The following CTNNA2 variants were observed in gnomAD, a reference collection of about 807,000 sequenced individuals.
CTNNA2 encodes the protein catenin alpha 2, also known as catenin alpha-2.
In CTNNA2, 42 loss-of-function variants were observed where a neutral mutation model predicts 101.0. The observed-to-expected ratio is 0.42, with a 90% CI of 0.32 to 0.54. The LOEUF (loss-of-function observed/expected upper bound fraction) is 0.54. Ranked by LOEUF, CTNNA2 falls within the 20% of genes least tolerant of loss-of-function variation. CTNNA2 has a pLI of 0.14. For synonymous variants in CTNNA2, 450 were observed against 456.4 expected (o/e 0.99, Z 0.18); for missense variants, 871 against 1,223.1 (o/e 0.71, Z 4.29).
intron 7 of CTNNA2, among the ~76,000 whole-genome samples, chr2:80,239,264 C>A (rs1195932621): frequency 6.6e-6 from 1 of 152,094 alleles, no homozygotes; most frequent in Non-Finnish European, 1.5e-5. Flanking sequence ...CTGAAAATAG[C>A]TTTTGGCCTA....
intron 4 of CTNNA2, among the ~76,000 whole-genome samples, chr2:79,410,231 A>G (rs1381717453): frequency 6.9e-6 from 1 of 145,422 alleles, no homozygotes; most frequent in Non-Finnish European, 1.5e-5. Context: ...TAGATATACA[A>G]TCATGTCATC....
At chr2:80,492,772 C>T (rs981656739) in intron 9 of CTNNA2, among the ~76,000 whole-genome samples, 2 of 152,184 alleles carry the variant, frequency 1.3e-5, no homozygotes, top group African/African-American at 4.8e-5. Flanking sequence ...ATGCTTTGCC[C>T]TACCAGCCTT....
At chr2:80,604,248 A>G in intron 16 of CTNNA2, 69 bp downstream of exon 16, 1 of 1,159,348 alleles carries the variant, frequency 8.6e-7, no homozygotes, top group South Asian at 1.2e-5. Flanking sequence ...TTTTGTAACT[A>G]GTTTTATGCA....
intron 8 of CTNNA2, among the ~76,000 whole-genome samples, chr2:80,413,850 AC>A (rs1237358685): frequency 6.6e-6 from 1 of 152,206 alleles, no homozygotes; most frequent in African/African-American, 2.4e-5. Flanking sequence ...ATTTGAAATC[AC>A]CCTCTAACCC....
intron 3 of CTNNA2, among the ~76,000 whole-genome samples, chr2:79,814,608 TACACACACAC>T (rs146240455): frequency 2.1e-5 from 3 of 145,196 alleles, no homozygotes; most frequent in South Asian, 2.2e-4. Flanking sequence ...TATGTGTGTA[TACACACACAC>T]ACACACACAC....
At chr2:79,838,903 AC>A (rs1361168636) in intron 3 of CTNNA2, among the ~76,000 whole-genome samples, 1 of 152,112 alleles carries the variant, frequency 6.6e-6, no homozygotes, top group Non-Finnish European at 1.5e-5. Context: ...ATTAGAAAAT[AC>A]TACTACAACT....
At chr2:79,601,731 T>C (rs957690258) in intron 1 of CTNNA2, among the ~76,000 whole-genome samples, 2 of 152,222 alleles carry the variant, frequency 1.3e-5, no homozygotes, top group African/African-American at 4.8e-5. Flanking sequence ...CACAGAAGAC[T>C]TCCATAGGAG....
intron 3 of CTNNA2, among the ~76,000 whole-genome samples, chr2:79,342,073 C>T (rs774928473): frequency 3.9e-5 from 6 of 152,160 alleles, no homozygotes; most frequent in Admixed American, 6.5e-5. Flanking sequence ...TGGGGCAGAG[C>T]AAGTGTCCCA....
rs117959531 is a variant in CTNNA2 at position 80,244,885 on chromosome 2, G to A, written c.1057-148326G>A. Among the ~76,000 whole-genome samples, 114 of 152,196 alleles carry A rather than the reference G, an allele frequency of 7.5e-4. 1 individual carries two copies. In the East Asian group the frequency reaches 0.012, roughly 16 times the overall value. ...ATCACACATCTCAACAGAGAAATAC[G>A]AAAATCCACATGGAAAATCTAGCAG... is the stretch of plus-strand genomic sequence containing the variant. On this transcript the variant is annotated intron_variant, in intron 7 of 18. Transcript: ENST00000402739.
intron 1 of CTNNA2, among the ~76,000 whole-genome samples, chr2:79,192,826 A>G (rs913205371): frequency 2.1e-4 from 32 of 152,058 alleles, no homozygotes; most frequent in African/African-American, 7.7e-4. Flanking sequence ...AATTGCTTTC[A>G]ATTTTCAAAA....
At chr2:79,312,963 T>G (rs1676418297) in intron 3 of CTNNA2, among the ~76,000 whole-genome samples, 1 of 152,224 alleles carries the variant, frequency 6.6e-6, no homozygotes, top group Admixed American at 6.5e-5. Context: ...ACTTTATCTC[T>G]TTGCAATTAG....
At chr2:79,338,548 C>T (rs6706202) in intron 3 of CTNNA2, among the ~76,000 whole-genome samples, 53,250 of 148,688 alleles carry the variant, frequency 0.36, 9,979 homozygotes, top group African/African-American at 0.47. Flanking sequence ...GTAAAGAGGA[C>T]CATTTTTCTT....
chr2:79,715,589 G>A (rs1323298782), intron 2 of CTNNA2, among the ~76,000 whole-genome samples: 1 of 152,170 alleles, frequency 6.6e-6, no homozygotes, highest in African/African-American at 2.4e-5. Flanking sequence ...AATGGATGCA[G>A]AAACAGCAAA....
At chr2:80,318,996 A>C (rs1369155152) in intron 7 of CTNNA2, among the ~76,000 whole-genome samples, 2 of 152,290 alleles carry the variant, frequency 1.3e-5, no homozygotes, top group East Asian at 3.9e-4. Context: ...ATAATATGCT[A>C]GTGGCTTATC....
At chr2:79,536,680 AT>A (rs200253287) in intron 1 of CTNNA2, among the ~76,000 whole-genome samples, 6 of 78,630 alleles carry the variant, frequency 7.6e-5, no homozygotes, top group Non-Finnish European at 1.5e-4. Context: ...TTCACCATGG[AT>A]TTTTTTTTTC....
At chr2:80,025,622 T>G (rs1694881760) in intron 7 of CTNNA2, among the ~76,000 whole-genome samples, 1 of 152,070 alleles carries the variant, frequency 6.6e-6, no homozygotes, top group Non-Finnish European at 1.5e-5. Context: ...TCTATGGAGG[T>G]GGGTCAGGAG....
intron 2 of CTNNA2, among the ~76,000 whole-genome samples, chr2:79,716,760 G>T (rs1371106497): frequency 1.3e-5 from 2 of 152,110 alleles, no homozygotes; most frequent in Non-Finnish European, 2.9e-5. Flanking sequence ...AGTGTAGGAA[G>T]ACTTAGCCAA....
Position 80,201,925 on chromosome 2 carries a change from C to T in CTNNA2, c.1057-191286C>T, listed in dbSNP as rs573236167. On this transcript the variant is annotated intron_variant, in intron 7 of 18. Transcript: ENST00000402739. ...GGAGAAAACATTAATCTGCTGCCCT[C>T]GCTACATTTTAATGGGCCTAATTTA... 3.9e-5 allele frequency among the ~76,000 whole-genome samples: 6 copies of T among 152,276 alleles called. No individual in the cohort carries two copies. In the East Asian group the frequency reaches 5.8e-4, roughly 15 times the overall value.
intron 1 of CTNNA2, among the ~76,000 whole-genome samples, chr2:79,535,244 G>T (rs975873712): frequency 1.3e-5 from 2 of 150,426 alleles, no homozygotes; most frequent in African/African-American, 4.9e-5. Context: ...TGAGACTGTC[G>T]CCCTGGCTGG....
Sources: allele counts gnomAD v4.1 joint callset (sites outside exome capture counted in the v4.1 genomes callset), GRCh38; gene constraint gnomAD v4.1.1; transcripts MANE v1.5; gene names NCBI Gene and HGNC (gene_info 2026-07-23, HGNC 2026-07-21).